The following ROBO2 variants were observed in gnomAD, a reference collection of about 807,000 sequenced individuals.
The protein encoded by ROBO2 is roundabout guidance receptor 2.
A neutral mutation model predicts 160.8 loss-of-function variants in ROBO2; 53 were observed. That is an observed-to-expected ratio of 0.33 (90% CI 0.26 to 0.41). ROBO2 has a LOEUF of 0.41. Ranked by LOEUF, ROBO2 falls within the 10% of genes least tolerant of loss-of-function variation. The pLI, the probability that ROBO2 is intolerant of heterozygous loss-of-function variation, is 1.00. For missense variants in ROBO2, 1,577 were observed against 1,722.4 expected (o/e 0.92, Z 1.49); for synonymous variants, 664 against 611.7 (o/e 1.09, Z -1.26).
intron 2 of ROBO2, among the ~76,000 whole-genome samples, chr3:75,963,865 C>A (rs1392718233): frequency 6.6e-6 from 1 of 151,732 alleles, no homozygotes; most frequent in Non-Finnish European, 1.5e-5. Flanking sequence ...CTGATTTTTA[C>A]CCCTTTCCAA....
At chr3:76,001,716 T>A (rs540170974) in intron 2 of ROBO2, among the ~76,000 whole-genome samples, 2 of 152,252 alleles carry the variant, frequency 1.3e-5, no homozygotes, top group South Asian at 4.1e-4. Context: ...GCTAATTGTT[T>A]ATATTTTTAG....
At chr3:76,504,545 T>TTC (rs2080680444) in intron 2 of ROBO2, among the ~76,000 whole-genome samples, 1 of 131,012 alleles carries the variant, frequency 7.6e-6, no homozygotes, top group Non-Finnish European at 1.5e-5. Context: ...TTTTTTTTTT[T>TTC]TTGAGACGGA....
rs1264693176 is a variant in ROBO2 at position 77,641,281 on chromosome 3, C to T, written c.3935-3423C>T. On this transcript the variant is annotated intron_variant, in intron 24 of 25. Coordinates refer to ENST00000461745, the Ensembl canonical transcript of ROBO2. ...ATTCATAATTTAACATGAGGACATA[C>T]GTAAGAACTGGCAATGCTGCTCCAA... 2.6e-5 allele frequency among the ~76,000 whole-genome samples: 4 copies of T among 152,172 alleles called. 1 individual carries two copies. The highest frequency in any genetic ancestry group is 4.1e-4 in the South Asian group (2 of 4,830).
chr3:77,143,174 CTTTTTTTTTTTTTTT>C (rs10546673), intron 2 of ROBO2, among the ~76,000 whole-genome samples: 4 of 59,718 alleles, frequency 6.7e-5, no homozygotes, highest in Non-Finnish European at 9.1e-5. Flanking sequence ...TAAACAGCAG[CTTTTTTTTTTTTTTT>C]TTTTTTTTTT....
intron 2 of ROBO2, among the ~76,000 whole-genome samples, chr3:76,386,106 T>C (rs2076868531): frequency 6.6e-6 from 1 of 152,172 alleles, no homozygotes; most frequent in African/African-American, 2.4e-5. Flanking sequence ...CTATAACAAC[T>C]GAAGTCATAT....
intron 2 of ROBO2, among the ~76,000 whole-genome samples, chr3:76,025,403 C>T (rs1009022410): frequency 1.3e-5 from 2 of 151,536 alleles, no homozygotes; most frequent in Non-Finnish European, 3.0e-5. Flanking sequence ...TCAATAAAGT[C>T]ATATAGAATA....
At chr3:76,276,378 A>G (rs1707922111) in intron 2 of ROBO2, among the ~76,000 whole-genome samples, 2 of 152,050 alleles carry the variant, frequency 1.3e-5, no homozygotes, top group Non-Finnish European at 1.5e-5. Flanking sequence ...TATCAATCAC[A>G]CTAGCCATAT....
chr3:76,910,213 CA>C (rs1015054432), intron 2 of ROBO2, among the ~76,000 whole-genome samples: 1 of 151,984 alleles, frequency 6.6e-6, no homozygotes, highest in Non-Finnish European at 1.5e-5. Context: ...GGACACTGTT[CA>C]AAAAATCTTT....
intron 2 of ROBO2, among the ~76,000 whole-genome samples, chr3:76,035,510 G>A (rs2067077183): frequency 1.3e-5 from 2 of 151,826 alleles, no homozygotes; most frequent in Non-Finnish European, 2.9e-5. Context: ...ATTTTCTCCA[G>A]GGTAGATTTT....
chr3:76,402,464 A>G (rs2077887929), intron 2 of ROBO2, among the ~76,000 whole-genome samples: 2 of 151,654 alleles, frequency 1.3e-5, no homozygotes, highest in Admixed American at 6.6e-5. Flanking sequence ...CTAGTGTAGT[A>G]GATTAGCAAG....
intron 2 of ROBO2, among the ~76,000 whole-genome samples, chr3:76,454,841 C>T (rs945837590): frequency 6.6e-6 from 1 of 152,058 alleles, no homozygotes; most frequent in African/African-American, 2.4e-5. Context: ...TAAATTAATA[C>T]AGAAACAGCA....
chr3:77,128,960 A>G (rs2075597642), intron 2 of ROBO2, among the ~76,000 whole-genome samples: 1 of 152,172 alleles, frequency 6.6e-6, no homozygotes, highest in Non-Finnish European at 1.5e-5. Flanking sequence ...AGGTGAAAAT[A>G]TTATTGCATA....
At chr3:77,229,652 G>C (rs2151274023) in intron 2 of ROBO2, among the ~76,000 whole-genome samples, 1 of 144,524 alleles carries the variant, frequency 6.9e-6, no homozygotes, top group South Asian at 2.2e-4. Context: ...CAGAGTAAGG[G>C]TAAGACTGTC....
chr3:77,634,990 G>T, exon 24 of ROBO2: 1 of 1,614,108 alleles, frequency 6.2e-7, no homozygotes, highest in Non-Finnish European at 8.5e-7. Flanking sequence ...CACAAGGGAG[G>T]GCGGATGGAC....
rs543937556 is a variant in ROBO2, at chr3:77,004,936, GTT to G, written c.110-93076_110-93075del. 5.5e-3 allele frequency among the ~76,000 whole-genome samples: 836 copies of G among 152,136 alleles called. 6 individuals carry two copies. The highest frequency in any genetic ancestry group is 0.019 in the African/African-American group (800 of 41,504). On this transcript the variant is annotated intron_variant, in intron 2 of 26. Transcript: ENST00000487694. ...AAGAAAATGTGGTCATGGGTTCTTA[GTT>G]TCTGTTTCTGATTGGGCCAGTAAAG...
rs1017941897 is a variant in ROBO2 at position 76,913,233 on chromosome 3, G to T, written c.110-184781G>T. 6.6e-5 allele frequency among the ~76,000 whole-genome samples: 10 copies of T among 152,142 alleles called. 1 individual carries two copies. The highest frequency in any genetic ancestry group is 1.5e-4 in the Non-Finnish European group (10 of 68,034). On this transcript the variant is annotated intron_variant, in intron 2 of 26. Transcript: ENST00000487694. The stretch of plus-strand genomic sequence containing the variant: ...TGCCCGAGTTGATAGATGAGTGAGC[G>T]TTTTAGGTGGTGGGAGAGGTCTTTA...
chr3:77,526,365 G>A (rs2091160984), intron 6 of ROBO2, among the ~76,000 whole-genome samples: 1 of 151,458 alleles, frequency 6.6e-6, no homozygotes, highest in African/African-American at 2.4e-5. Flanking sequence ...CTATTGGTAT[G>A]TTCCAGAGTC....
At chr3:77,004,950 T>A (rs112602180) in intron 2 of ROBO2, among the ~76,000 whole-genome samples, 11 of 152,142 alleles carry the variant, frequency 7.2e-5, no homozygotes, top group African/African-American at 2.7e-4. Context: ...CTGTTTCTGA[T>A]TGGGCCAGTA....
chr3:76,471,824 C>T (rs1054226066), intron 2 of ROBO2, among the ~76,000 whole-genome samples: 5 of 152,020 alleles, frequency 3.3e-5, no homozygotes, highest in African/African-American at 1.2e-4. Context: ...GCAAACACAT[C>T]CTTCATCACG....
Sources: gnomAD v4.1 joint callset for allele counts (sites outside exome capture counted in the v4.1 genomes callset) on GRCh38, gnomAD v4.1.1 for gene constraint, MANE v1.5 for transcripts, NCBI Gene and HGNC (gene_info 2026-07-23, HGNC 2026-07-21) for gene names.